The following PPP2R1B variants were observed in gnomAD, a reference collection of about 807,000 sequenced individuals.
PPP2R1B encodes the protein protein phosphatase 2 scaffold subunit Abeta, also known as serine/threonine-protein phosphatase 2A 65 kDa regulatory subunit A beta isoform.
In PPP2R1B, 58 loss-of-function variants were observed where a neutral mutation model predicts 72.7. The observed-to-expected ratio is 0.80, with a 90% CI of 0.65 to 0.99. The LOEUF (loss-of-function observed/expected upper bound fraction) is 0.99, where lower values mean the gene tolerates loss of function less well. PPP2R1B is among the 50% of genes least tolerant of loss of function. PPP2R1B has a pLI of 0.00. For synonymous variants in PPP2R1B, 256 were observed against 264.6 expected, an observed-to-expected ratio of 0.97 and a Z score of 0.32; for missense variants, 695 against 733.6, an observed-to-expected ratio of 0.95 and a Z score of 0.61.
At chr11:111,733,619 G>T (rs1389640343), downstream of PPP2R1B, among the ~76,000 whole-genome samples, 1 of 152,122 alleles carries the variant, frequency 6.6e-6, no homozygotes, top group Non-Finnish European at 1.5e-5. Context: ...CACCCACATA[G>T]TTGGGGGTGG....
downstream of PPP2R1B, chr11:111,724,794 C>T (rs1246683046): frequency 1.3e-5 from 2 of 152,564 alleles, no homozygotes; most frequent in African/African-American, 2.4e-5. Flanking sequence ...TGACACACCC[C>T]TTCAGAAGGT....
the PPP2R1B span, among the ~76,000 whole-genome samples, chr11:111,690,822 G>T: frequency 6.6e-6 from 1 of 152,168 alleles, no homozygotes; most frequent in African/African-American, 2.4e-5. Context: ...GTATTCCATT[G>T]TGTATATGTG....
At chr11:111,752,698 G>A (rs536568477) in intron 9 of PPP2R1B, among the ~76,000 whole-genome samples, 6 of 152,232 alleles carry the variant, frequency 3.9e-5, no homozygotes, top group South Asian at 2.1e-4. Context: ...ATAATTGGCC[G>A]GGTGCGGTGG....
At chr11:111,757,093 G>A (rs565674932) in intron 5 of PPP2R1B, among the ~76,000 whole-genome samples, 11 of 145,076 alleles carry the variant, frequency 7.6e-5, no homozygotes, top group South Asian at 2.2e-4. Context: ...CAGCCTGGGT[G>A]ACAGAGCAAA....
chr11:111,715,739 T>A, the PPP2R1B span, among the ~76,000 whole-genome samples: 1 of 152,048 alleles, frequency 6.6e-6, no homozygotes, highest in Non-Finnish European at 1.5e-5. Context: ...GTATCTCTTT[T>A]TAATAAGGAA....
At chr11:111,758,997 C>T (rs1407524036) in intron 5 of PPP2R1B, among the ~76,000 whole-genome samples, 2 of 152,136 alleles carry the variant, frequency 1.3e-5, no homozygotes, top group Non-Finnish European at 2.9e-5. Context: ...AGGCAACATG[C>T]AAATTAAAAG....
At chr11:111,720,651 C>T in the PPP2R1B span, 1 of 1,614,084 alleles carries the variant, frequency 6.2e-7, no homozygotes, top group Non-Finnish European at 8.5e-7. Flanking sequence ...AAGCCTGAGA[C>T]CTACCAACCC....
chr11:111,742,805 G>T, intron 12 of PPP2R1B, 140 bp from the exon 13 acceptor site: 1 of 678,600 alleles, frequency 1.5e-6, no homozygotes. Flanking sequence ...GGGGACACAA[G>T]AATCATTCAA....
In PPP2R1B at chr11:111,741,287, G is replaced by C; in HGVS notation, c.*309C>G. On this transcript the variant is annotated 3_prime_UTR_variant, in exon 15 of 15. Coordinates refer to ENST00000527614, the MANE Select transcript of PPP2R1B (RefSeq NM_002716.5). ...GCTTTGTCTGGAACATTATGTGGCT[G>C]GTGCCTGATTCCACAGTGAGGATGC... 1 of 1,178,288 alleles carries C rather than the reference G, an allele frequency of 8.5e-7. No homozygotes were observed. The highest frequency in any genetic ancestry group is 2.6e-5 in the South Asian group (1 of 38,128). The allele number at this position is 1,178,288 out of a possible 1,614,324, so 73.0% of individuals were successfully genotyped here.
downstream of PPP2R1B, chr11:111,721,974 T>A: frequency 6.8e-7 from 1 of 1,480,150 alleles, no homozygotes; most frequent in Non-Finnish European, 9.2e-7. Context: ...CACCTCACTC[T>A]GCTCATCCAG....
At chr11:111,744,190 T>G (rs574199161) in intron 11 of PPP2R1B, among the ~76,000 whole-genome samples, 11 of 152,122 alleles carry the variant, frequency 7.2e-5, no homozygotes, top group Non-Finnish European at 1.6e-4. Context: ...GGAAAAACAG[T>G]GATGGGTTTT....
chr11:111,707,174 G>A, the PPP2R1B span, among the ~76,000 whole-genome samples: 1 of 152,216 alleles, frequency 6.6e-6, no homozygotes, highest in Non-Finnish European at 1.5e-5. Context: ...TAGACAAAAG[G>A]ATAGGAAGCT....
chr11:111,704,222 C>A, the PPP2R1B span, among the ~76,000 whole-genome samples: 1 of 152,152 alleles, frequency 6.6e-6, no homozygotes, highest in South Asian at 2.1e-4. Context: ...GCATCCTGAG[C>A]AGTAGCTGGG....
At chr11:111,706,796 C>T in the PPP2R1B span, among the ~76,000 whole-genome samples, 419 of 151,820 alleles carry the variant, frequency 2.8e-3, 2 homozygotes, top group Non-Finnish European at 2.6e-3. Flanking sequence ...CCCGTCTCTA[C>T]TAAAAATACA....
the PPP2R1B span, chr11:111,719,661 T>C: frequency 9.6e-7 from 1 of 1,046,654 alleles, no homozygotes; most frequent in South Asian, 1.5e-5. Flanking sequence ...TATGTGCATG[T>C]TTAAATATTT....
At chr11:111,699,635 A>G in the PPP2R1B span, among the ~76,000 whole-genome samples, 2 of 152,172 alleles carry the variant, frequency 1.3e-5, no homozygotes, top group South Asian at 2.1e-4. Flanking sequence ...TGTTACTGTT[A>G]TTACTGTTAC....
chr11:111,758,929 A>T (rs1181563685), intron 5 of PPP2R1B, among the ~76,000 whole-genome samples: 1 of 152,174 alleles, frequency 6.6e-6, no homozygotes, highest in African/African-American at 2.4e-5. Flanking sequence ...TGAAAATGAG[A>T]CTCATTAATA....
rs552393106 is a variant in PPP2R1B, at chr11:111,743,973, G to C, written c.1400-443C>G. ...GAGTGAACAGGGAAGGTCTAGGAAG[G>C]CTTCGGCACAGAAAGAAGCCTTGAC... On this transcript the variant is annotated intron_variant, in intron 11 of 14. Coordinates refer to ENST00000527614, the MANE Select transcript of PPP2R1B (RefSeq NM_002716.5). Among the ~76,000 whole-genome samples, 3 of 152,344 alleles carry C rather than the reference G, an allele frequency of 2.0e-5. No individual in the cohort carries two copies. In the East Asian group the frequency reaches 5.8e-4, roughly 29 times the overall value.
rs1555052509 is a variant in PPP2R1B at position 111,764,861 on chromosome 11, G to T, written c.250C>A (p.Gln84Lys). 3 of 1,614,118 alleles carry T rather than the reference G, an allele frequency of 1.9e-6. No homozygotes were observed. The highest frequency in any genetic ancestry group is 1.7e-6 in the Non-Finnish European group (2 of 1,180,022). Residue 84 changes from glutamine (Q) to lysine (K), a missense_variant, in exon 3 of 15, where the codon CAG becomes AAG. Transcript: ENST00000527614. ...EDEVLLALAE[Q>K]LGNFTGLVGG... ...ACTAGGCCAGTGAAATTTCCCAGCT[G>T]CTCAGCAAGAGCTAATAGTACCTCA...
Sources: allele counts gnomAD v4.1 joint callset (sites outside exome capture counted in the v4.1 genomes callset), GRCh38; gene constraint gnomAD v4.1.1; transcripts MANE v1.5; gene names NCBI Gene and HGNC (gene_info 2026-07-23, HGNC 2026-07-21).